PLXNB2: variants seen among roughly 807,000 people sequenced by gnomAD.
The protein encoded by PLXNB2 is plexin B2.
In PLXNB2, 85 loss-of-function variants were observed where a neutral mutation model predicts 202.6. The ratio of observed to expected loss-of-function variants is 0.42; its 90% CI spans 0.35 to 0.50. The LOEUF is 0.50. Ranked by LOEUF, PLXNB2 falls within the 20% of genes least tolerant of loss-of-function variation. The pLI is 0.02. For synonymous variants in PLXNB2, 1,239 were observed against 1,137.6 expected, an observed-to-expected ratio of 1.09 and a Z score of -1.79; for missense variants, 2,063 against 2,586.2, an observed-to-expected ratio of 0.80 and a Z score of 4.39.
chr22:50,293,356 C>G (rs905177587), intron 2 of PLXNB2, among the ~76,000 whole-genome samples: 2 of 152,214 alleles, frequency 1.3e-5, no homozygotes, highest in Non-Finnish European at 2.9e-5. Context: ...GGCTCCCCAA[C>G]CCCCGCCGCG....
chr22:50,305,828 G>C (rs1350489228), intron 1 of PLXNB2, among the ~76,000 whole-genome samples: 1 of 152,116 alleles, frequency 6.6e-6, no homozygotes, highest in Non-Finnish European at 1.5e-5. Context: ...GGGGTCCCTG[G>C]GTGGGCCCAG....
Position 50,280,778 on chromosome 22 carries a change from G to C in PLXNB2, c.3959C>G (p.Ser1320Cys). The C allele has an allele frequency of 1.9e-6, 3 of 1,612,878 alleles. No homozygotes were observed. Among genetic ancestry groups the C allele is most frequent in the Non-Finnish European group, 2.5e-6 (3 of 1,179,882 alleles). The change falls in exon 24 of 37, where the codon TCC (serine) becomes TGC (cysteine). Residue 1320 changes from serine to cysteine, a missense_variant. Physicochemically the swap from Ser to Cys is moderately radical, Grantham distance 112. Around this residue, in one of 2 missense-constraint regions of PLXNB2, gnomAD observed 760 missense variants for 1,109.4 expected, o/e 0.69. Transcript: ENST00000359337. ...GAAAGACTTGCTGTTCAGCAGGTTG[G>C]AGAACTGGTAGAGGGCCTGCTCCAC... ...PVVEQALYQF[S>C]NLLNSKSFLI...
Position 50,284,274 on chromosome 22 carries a change from G to C in PLXNB2, c.2182-61C>G. The C allele has an allele frequency of 6.7e-7, 1 of 1,486,000 alleles. No homozygotes were observed. The highest frequency in any genetic ancestry group is 9.4e-7 in the Non-Finnish European group (1 of 1,067,100). 92.1% of individuals were successfully genotyped at this position (1,486,000 alleles called of 1,614,324 possible). The stretch of plus-strand genomic sequence containing the variant: ...CCCCACAGAGGGGCGTGGGGCGGGG[G>C]TCACAAGGGCAGCCTCCCTGTGGCC... On this transcript the variant is annotated intron_variant, in intron 12 of 36. Coordinates refer to ENST00000359337, the MANE Select transcript of PLXNB2 (RefSeq NM_012401.4). The surrounding 1 kb of genome is among the most constrained non-coding windows in gnomAD (Gnocchi z 8.0).
At chr22:50,286,364 A>C in intron 8 of PLXNB2, 77 bp from the exon 9 acceptor site, 1 of 1,020,534 alleles carries the variant, frequency 9.8e-7, no homozygotes, top group South Asian at 1.3e-5. Context: ...CCTGGGGCTG[A>C]CTCCTGGGGC....
chr22:50,293,519 C>G (rs888378269), intron 2 of PLXNB2, among the ~76,000 whole-genome samples: 9 of 152,108 alleles, frequency 5.9e-5, no homozygotes. Flanking sequence ...GCTCACCCGG[C>G]CCAGCTCGCT....
In PLXNB2 at chr22:50,288,794, G is replaced by C; in HGVS notation, c.1329C>G (p.Asp443Glu). The change falls in exon 5 of 37, where the codon GAC (aspartate) becomes GAG (glutamate). Residue 443 changes from aspartate to glutamate, a missense_variant. Physicochemically the swap from Asp to Glu is conservative, Grantham distance 45. This residue lies in a region of PLXNB2 where 1,303 missense variants were observed against 1,476.8 expected (regional missense o/e 0.88). Coordinates refer to ENST00000359337, the MANE Select transcript of PLXNB2 (RefSeq NM_012401.4). The surrounding 1 kb of genome is among the most constrained non-coding windows in gnomAD (Gnocchi z 5.0). ...LVEINKRVKRDLVLSGDLGSL... is the reference protein window; with the variant it reads ...LVEINKRVKRELVLSGDLGSL... ...TGCCCAGGTCTCCAGACAGTACCAG[G>C]TCGCGCTTGACTCTCTTGTTTATCT... The C allele has an allele frequency of 6.2e-7, 1 of 1,613,174 alleles. No homozygotes were observed. The highest frequency in any genetic ancestry group is 1.7e-4 in the Middle Eastern group (1 of 6,060).
rs1046128410 is a variant in PLXNB2 at position 50,290,720 on chromosome 22, G to A, written c.-13-123C>T. On this transcript the variant is annotated intron_variant, in intron 2 of 36. Coordinates refer to ENST00000359337, the MANE Select transcript of PLXNB2 (RefSeq NM_012401.4). Reference sequence around the variant, plus strand: ...AGGGTCACGCCACTCCACGAACTGAGGAACCTGGAGCTCCGCCCCTTCCTG... The same window carrying A: ...AGGGTCACGCCACTCCACGAACTGAAGAACCTGGAGCTCCGCCCCTTCCTG... 4.7e-6 allele frequency: 5 copies of A among 1,058,832 alleles called. No individual in the cohort carries two copies. The African/African-American group carries it at 6.4e-5, about 14-fold the overall frequency. The allele number at this position is 1,058,832 out of a possible 1,614,324, so 65.6% of individuals were successfully genotyped here. A position where few individuals can be genotyped will look rare whatever the true frequency, so the allele number is the denominator to read the frequency against.
chr22:50,284,329 G>A lies in PLXNB2; in HGVS notation c.2182-116C>T. 1.0e-6 allele frequency: 1 copy of A among 1,004,574 alleles called. No homozygotes were observed. The highest frequency in any genetic ancestry group is 1.6e-6 in the Non-Finnish European group (1 of 643,036). The allele number at this position is 1,004,574 out of a possible 1,614,324, so 62.2% of individuals were successfully genotyped here. A position where few individuals can be genotyped will look rare whatever the true frequency, so the allele number is the denominator to read the frequency against. On this transcript the variant is annotated intron_variant, in intron 12 of 36. Coordinates refer to ENST00000359337, the MANE Select transcript of PLXNB2 (RefSeq NM_012401.4). This position sits in a 1 kb window ranked among gnomAD's most constrained non-coding sequence, Gnocchi z 8.0. ...GGTCCCTTCCCAGCCAAGGGCAGCA[G>A]GGGAGGCCTTCAGGTGTCGGAAGTT...
chr22:50,275,677 T>C lies in PLXNB2; in HGVS notation c.*27A>G. The C allele has an allele frequency of 6.7e-7, 1 of 1,489,978 alleles. No homozygotes were observed. The highest frequency in any genetic ancestry group is 9.2e-7 in the Non-Finnish European group (1 of 1,085,122). The allele number at this position is 1,489,978 out of a possible 1,614,324, so 92.3% of individuals were successfully genotyped here. ...CTCTCAGGTACCTCAGGTACCTATG[T>C]CCCAAGGCAGCACTGGAGATTGTAG... is the stretch of plus-strand genomic sequence containing the variant. On this transcript the variant is annotated 3_prime_UTR_variant, in exon 37 of 37. Transcript: ENST00000359337.
chr22:50,276,556 G>A, intron 35 of PLXNB2, 73 bp downstream of exon 35: 1 of 1,289,340 alleles, frequency 7.8e-7, no homozygotes, highest in South Asian at 1.2e-5. Flanking sequence ...CTGCCCTGCA[G>A]CTCAGGGCCA....
chr22:50,280,403 C>T, intron 25 of PLXNB2, 86 bp downstream of exon 25: 1 of 1,322,746 alleles, frequency 7.6e-7, no homozygotes. Flanking sequence ...GGGGGCCCAA[C>T]AGGCCGCTGT....
At chr22:50,296,193 TACACACACAC>T (rs58616888) in intron 1 of PLXNB2, among the ~76,000 whole-genome samples, 42 of 139,420 alleles carry the variant, frequency 3.0e-4, no homozygotes, top group Admixed American at 7.9e-4. Context: ...TCTCAAAAAA[TACACACACAC>T]ACACACACAC....
chr22:50,283,940 C>A lies in PLXNB2; in HGVS notation c.2314G>T (p.Ala772Ser). The change falls in exon 14 of 37, where the codon GCC (alanine) becomes TCC (serine). Residue 772 changes from alanine to serine, a missense_variant. Physicochemically the swap from Ala to Ser is moderately conservative, Grantham distance 99. Around this residue, in one of 2 missense-constraint regions of PLXNB2, gnomAD observed 1,303 missense variants for 1,476.8 expected, o/e 0.88. Coordinates refer to ENST00000359337, the MANE Select transcript of PLXNB2 (RefSeq NM_012401.4). ...FGRSDCSLCR[A>S]ANPDYRCAWC... is the part of the protein sequence containing the mutation. ...GCACACCTGTAGTCGGGGTTAGCGG[C>A]CCGGCACAGGCTGCAGTCGCTGCGG... 2 of 1,561,844 alleles carry A rather than the reference C, an allele frequency of 1.3e-6. No individual in the cohort carries two copies. Among genetic ancestry groups the A allele is most frequent in the Middle Eastern group, 3.4e-4 (2 of 5,814 alleles).
rs757275432 is a variant in PLXNB2, at chr22:50,277,672, G to A, written c.5115C>T (p.His1705=). 17 of 1,609,188 alleles carry A rather than the reference G, an allele frequency of 1.1e-5. No individual in the cohort carries two copies. In the South Asian group the frequency reaches 1.5e-4, roughly 15 times the overall value. ...CTGACAGCGAGGCGTCCACCACCTC[G>A]TGGACATGCACGTCAAAGATGAAGT... ...NPHFIFDVHV[H]EVVDASLSVI... is the part of the protein sequence containing the mutation. Residue 1705 remains histidine (H), a synonymous_variant, in exon 33 of 37, where the codon CAC becomes CAT. Transcript: ENST00000359337.
In PLXNB2 at chr22:50,289,667, C is replaced by T; in HGVS notation, c.918G>A (p.Gly306=). The change falls in exon 3 of 37, where the codon GGG becomes GGA. Residue 306 remains glycine, a synonymous_variant. Coordinates refer to ENST00000359337, the MANE Select transcript of PLXNB2 (RefSeq NM_012401.4). This position sits in a 1 kb window ranked among gnomAD's most constrained non-coding sequence, Gnocchi z 8.0. The part of the protein sequence containing the change: ...VFSRDSRSSG[G]PGAGLCLFPL... ...GGAACAGGCAGAGGCCCGCACCGGG[C>T]CCCCCACTGCTCCGGCTGTCTCTGC... 1 of 1,609,188 alleles carries T rather than the reference C, an allele frequency of 6.2e-7. No homozygotes were observed.
intron 1 of PLXNB2, among the ~76,000 whole-genome samples, chr22:50,304,659 C>G (rs1346885556): frequency 6.6e-6 from 1 of 151,888 alleles, no homozygotes; most frequent in Non-Finnish European, 1.5e-5. Flanking sequence ...GCACCCCCCA[C>G]CAGCCAAGGC....
chr22:50,295,573 G>A (rs890343735), intron 1 of PLXNB2, among the ~76,000 whole-genome samples: 6 of 152,142 alleles, frequency 3.9e-5, no homozygotes, highest in Non-Finnish European at 5.9e-5. Context: ...GTATCTTCTA[G>A]TTCTGGATAA....
intron 1 of PLXNB2, among the ~76,000 whole-genome samples, chr22:50,303,566 G>T (rs1356175311): frequency 6.6e-6 from 1 of 152,264 alleles, no homozygotes; most frequent in African/African-American, 2.4e-5. Flanking sequence ...GGCCCCTCAG[G>T]GGGCCGTGTT....
Position 50,290,194 on chromosome 22 carries a change from G to C in PLXNB2, c.391C>G (p.Arg131Gly), listed in dbSNP as rs756123018. ...ALRALSNISLRLFYEDGSGEK... is the reference protein window; with the variant it reads ...ALRALSNISLGLFYEDGSGEK... ...CCGCTGCCGTCCTCGTAGAACAGGCGGAGGGAGATGTTGCTCAGGGCGCGC... is the reference window on the plus strand; with the variant it reads ...CCGCTGCCGTCCTCGTAGAACAGGCCGAGGGAGATGTTGCTCAGGGCGCGC... Residue 131 changes from arginine (R) to glycine (G), a missense_variant, in exon 3 of 37, where the codon CGC becomes GGC. Arg to Gly is a moderately radical substitution (Grantham distance 125, BLOSUM62 -2). Coordinates refer to ENST00000359337, the MANE Select transcript of PLXNB2 (RefSeq NM_012401.4). 2 of 1,612,606 alleles carry C rather than the reference G, an allele frequency of 1.2e-6. No individual in the cohort carries two copies.
Sources: allele counts gnomAD v4.1 joint callset (sites outside exome capture counted in the v4.1 genomes callset), GRCh38; gene constraint gnomAD v4.1.1; regional missense constraint gnomAD v4.1.1; non-coding constraint Gnocchi (gnomAD v3.1); transcripts MANE v1.5; gene names NCBI Gene and HGNC (gene_info 2026-07-23, HGNC 2026-07-21).